Variants in WDR72 observed in about 807,000 individuals in gnomAD.
WDR72 encodes the protein WD repeat domain 72, also known as WD repeat-containing protein 72.
WDR72 carries 120 observed loss-of-function variants against 124.2 expected under a neutral mutation model. The ratio of observed to expected loss-of-function variants is 0.97; its 90% CI spans 0.83 to 1.12. WDR72 has a LOEUF of 1.12. Among genes scored for constraint, WDR72 ranks in the 50% most tolerant of loss-of-function variants. The pLI, the probability that WDR72 is intolerant of heterozygous loss-of-function variation, is 0.00. For missense variants in WDR72, 1,387 were observed against 1,278.8 expected, an observed-to-expected ratio of 1.08 and a Z score of -1.29; for synonymous variants, 452 against 441.7, an observed-to-expected ratio of 1.02 and a Z score of -0.29.
chr15:53,623,477 T>C (rs568806987), intron 14 of WDR72, among the ~76,000 whole-genome samples: 32 of 142,866 alleles, frequency 2.2e-4, no homozygotes, highest in African/African-American at 5.7e-4. Context: ...AATAGCATTA[T>C]ATTATATATA....
chr15:53,526,101 C>A (rs1892096102), intron 18 of WDR72, among the ~76,000 whole-genome samples: 1 of 152,006 alleles, frequency 6.6e-6, no homozygotes. Context: ...ACAAATATTG[C>A]TCTAGTGTTT....
In WDR72 at chr15:53,722,897, T is replaced by C; in HGVS notation, c.165A>G (p.Lys55=). 6.2e-7 allele frequency: 1 copy of C among 1,614,124 alleles called. No homozygotes were observed. The highest frequency in any genetic ancestry group is 8.5e-7 in the Non-Finnish European group (1 of 1,179,986). The part of the protein sequence containing the change: ...NLSHELKISA[K]ELLFGHSASV... ...AAGCTGAATGACCAAATAGGAGTTC[T>C]TTCGCTGAAATCTGAAAATAATGAG... Residue 55 remains lysine, a synonymous_variant, in exon 3 of 20, where the codon AAA becomes AAG. Coordinates refer to ENST00000360509, the MANE Select transcript of WDR72 (RefSeq NM_182758.4).
At position 53,615,684 on chromosome 15, in the gene WDR72, A is replaced by T. The variant is rs768446132; in HGVS notation, c.2522T>A (p.Leu841Gln). The T allele has an allele frequency of 1.2e-6, 2 of 1,611,912 alleles. No homozygotes were observed. Among genetic ancestry groups the T allele is most frequent in the East Asian group, 4.5e-5 (2 of 44,828 alleles). The change falls in exon 15 of 20, where the codon CTG becomes CAG. Residue 841 changes from leucine to glutamine, a missense_variant. Leu to Gln is a moderately radical substitution (Grantham distance 113, BLOSUM62 -2). Transcript: ENST00000360509. ...GCATAAATCCCAACCTGGCAACATC[A>T]GTGAGAAATTATCTTCATTCAAAGA... ...GISLNEDNFS[L>Q]MLPGWDLCNS...
At chr15:53,758,409 C>A (rs2018970905) in intron 1 of WDR72, among the ~76,000 whole-genome samples, 1 of 152,008 alleles carries the variant, frequency 6.6e-6, no homozygotes, top group Non-Finnish European at 1.5e-5. Context: ...TTAAAAAAAT[C>A]ACTTTACTAG....
chr15:53,683,971 C>CT (rs1018273872), intron 13 of WDR72, among the ~76,000 whole-genome samples: 4 of 151,878 alleles, frequency 2.6e-5, no homozygotes, highest in Admixed American at 2.6e-4. Context: ...TCAACGAACC[C>CT]TTTTTTTCCA....
intron 1 of WDR72, among the ~76,000 whole-genome samples, chr15:53,746,927 G>A (rs1567061941): frequency 6.6e-6 from 1 of 152,166 alleles, no homozygotes; most frequent in African/African-American, 2.4e-5. Context: ...GTGTCACACA[G>A]CTAGCTAGTA....
chr15:53,520,780 A>G (rs1891750017), intron 19 of WDR72, among the ~76,000 whole-genome samples: 1 of 152,068 alleles, frequency 6.6e-6, no homozygotes, highest in Non-Finnish European at 1.5e-5. Context: ...GTGAAAAGTC[A>G]TATTTTTATA....
chr15:53,585,510 C>T (rs916092779), intron 18 of WDR72, among the ~76,000 whole-genome samples: 2 of 151,962 alleles, frequency 1.3e-5, no homozygotes, highest in African/African-American at 2.4e-5. Flanking sequence ...TATAATTGCG[C>T]TATTGGGTAC....
intron 1 of WDR72, among the ~76,000 whole-genome samples, chr15:53,743,962 G>C (rs1156766375): frequency 7.1e-6 from 1 of 141,722 alleles, no homozygotes; most frequent in African/African-American, 2.7e-5. Flanking sequence ...GCGACAGAGC[G>C]AGACTCGTCT....
At chr15:53,558,993 G>A (rs891199694) in intron 18 of WDR72, among the ~76,000 whole-genome samples, 1 of 151,910 alleles carries the variant, frequency 6.6e-6, no homozygotes, top group African/African-American at 2.4e-5. Flanking sequence ...CCACATTCTT[G>A]GAGAGTTAGA....
At chr15:53,758,200 T>C (rs1401400733) in intron 1 of WDR72, among the ~76,000 whole-genome samples, 2 of 152,046 alleles carry the variant, frequency 1.3e-5, no homozygotes, top group African/African-American at 4.8e-5. Context: ...GAAGTTTTGC[T>C]ATGTTGCCCA....
intron 18 of WDR72, among the ~76,000 whole-genome samples, chr15:53,585,128 T>C (rs2012132640): frequency 6.6e-6 from 1 of 151,952 alleles, no homozygotes; most frequent in African/African-American, 2.4e-5. Context: ...TATTAGTCTA[T>C]TTTCACACTG....
chr15:53,727,465 T>C (rs1161324346), intron 2 of WDR72, among the ~76,000 whole-genome samples: 1 of 152,146 alleles, frequency 6.6e-6, no homozygotes, highest in Non-Finnish European at 1.5e-5. Context: ...AAAAGAGCTG[T>C]TGTCAGACTA....
At chr15:53,593,459 T>C (rs1374391639) in intron 18 of WDR72, among the ~76,000 whole-genome samples, 1 of 151,726 alleles carries the variant, frequency 6.6e-6, no homozygotes, top group East Asian at 1.9e-4. Flanking sequence ...GAAAACGGGG[T>C]AGTATAGGAA....
At chr15:53,702,771 A>G (rs1420116059) in intron 11 of WDR72, among the ~76,000 whole-genome samples, 2 of 152,164 alleles carry the variant, frequency 1.3e-5, no homozygotes, top group Non-Finnish European at 2.9e-5. Flanking sequence ...TACAAAGTCT[A>G]TTAATTCTTA....
At chr15:53,609,109 A>G (rs903391141) in intron 17 of WDR72, among the ~76,000 whole-genome samples, 2 of 152,144 alleles carry the variant, frequency 1.3e-5, no homozygotes, top group East Asian at 1.9e-4. Context: ...TATTTCATAT[A>G]CCCCATAAAT....
intron 14 of WDR72, among the ~76,000 whole-genome samples, chr15:53,627,168 T>C (rs1284000040): frequency 6.6e-6 from 1 of 152,224 alleles, no homozygotes; most frequent in Non-Finnish European, 1.5e-5. Context: ...TCTCCTAAGA[T>C]GACATTATCC....
intron 1 of WDR72, among the ~76,000 whole-genome samples, chr15:53,755,611 A>G (rs1355752123): frequency 2.0e-5 from 3 of 152,252 alleles, no homozygotes; most frequent in African/African-American, 7.2e-5. Flanking sequence ...AGATTTATAA[A>G]GCACCTACTG....
At chr15:53,566,696 A>G (rs1445416163) in intron 18 of WDR72, among the ~76,000 whole-genome samples, 1 of 152,000 alleles carries the variant, frequency 6.6e-6, no homozygotes, top group Non-Finnish European at 1.5e-5. Flanking sequence ...CTAAGAGATA[A>G]GAAGACAGGA....
Sources: allele counts gnomAD v4.1 joint callset (sites outside exome capture counted in the v4.1 genomes callset), GRCh38; gene constraint gnomAD v4.1.1; transcripts MANE v1.5; gene names NCBI Gene and HGNC (gene_info 2026-07-23, HGNC 2026-07-21).